Variants in TLCD3B observed in about 807,000 individuals in gnomAD.
The protein encoded by TLCD3B is TLC domain containing 3B.
In TLCD3B, 9 loss-of-function variants were observed where a neutral mutation model predicts 23.0. The observed-to-expected ratio is 0.39, with a 90% confidence interval of 0.24 to 0.68. The LOEUF is 0.68. TLCD3B is among the 30% of genes least tolerant of loss of function. The pLI, the probability that TLCD3B is intolerant of heterozygous loss-of-function variation, is 0.44. For synonymous variants in TLCD3B, 161 were observed against 161.0 expected (o/e 1.00, Z 0.00); for missense variants, 307 against 371.8 (o/e 0.83, Z 1.43).
In TLCD3B at chr16:30,024,832, G is replaced by A. The variant is rs553038695; in HGVS notation, c.*351C>T. Reference sequence around the variant, plus strand: ...GAGCCCTGGGGGATGGCAGCATAGGGGCTGGGATGGCCTTGGCAGAGGCGT... The same window carrying A: ...GAGCCCTGGGGGATGGCAGCATAGGAGCTGGGATGGCCTTGGCAGAGGCGT... On this transcript the variant is annotated 3_prime_UTR_variant, in exon 5 of 5. Transcript: ENST00000380495. 248 of 254,310 alleles carry A rather than the reference G, an allele frequency of 9.8e-4. 1 individual carries two copies. The highest frequency in any genetic ancestry group is 1.2e-3 in the Non-Finnish European group (163 of 135,536). 15.8% of individuals were successfully genotyped at this position (254,310 alleles called of 1,614,324 possible). A position where few individuals can be genotyped will look rare whatever the true frequency, so the allele number is the denominator to read the frequency against.
rs535719961 is a variant in TLCD3B, at chr16:30,025,833, G to A, written c.445-12C>T. ...CCCTGTCGCCACACCTGGGCACAGA[G>A]GCAGGAAGGTGAGGAGCTGGGGCTC... On this transcript the variant is annotated splice_polypyrimidine_tract_variant and intron_variant, in intron 3 of 4. Transcript: ENST00000380495. This position sits in a 1 kb window ranked among gnomAD's most constrained non-coding sequence, Gnocchi z 4.1. 7.1e-5 allele frequency: 114 copies of A among 1,610,052 alleles called. No homozygotes were observed. In the Middle Eastern group the frequency reaches 9.9e-4, roughly 14 times the overall value.
At chr16:30,043,947 G>A (rs556450445) in intron 2 of TLCD3B, among the ~76,000 whole-genome samples, 2 of 151,344 alleles carry the variant, frequency 1.3e-5, no homozygotes, top group East Asian at 1.9e-4. Flanking sequence ...CTCCTGCCTC[G>A]GCCTCACAAA....
intron 2 of TLCD3B, among the ~76,000 whole-genome samples, chr16:30,042,213 T>C (rs563772978): frequency 1.2e-4 from 19 of 152,050 alleles, no homozygotes; most frequent in African/African-American, 4.6e-4. Context: ...GAGCCGCCTT[T>C]ATTTATTTAT....
At chr16:30,043,740 G>C (rs1415177762) in intron 2 of TLCD3B, among the ~76,000 whole-genome samples, 1 of 151,234 alleles carries the variant, frequency 6.6e-6, no homozygotes, top group Admixed American at 6.6e-5. Context: ...CTGGAATGCA[G>C]TGGTGCCATC....
intron 2 of TLCD3B, among the ~76,000 whole-genome samples, chr16:30,042,100 T>C (rs2071587268): frequency 6.6e-6 from 1 of 152,204 alleles, no homozygotes; most frequent in African/African-American, 2.4e-5. Context: ...TTTATGTCTA[T>C]TTACATATAT....
At position 30,052,606 on chromosome 16, in the gene TLCD3B, T is replaced by C. The variant is rs557901883; in HGVS notation, c.-294+168A>G. 1.1e-4 allele frequency among the ~76,000 whole-genome samples: 17 copies of C among 151,172 alleles called. 1 individual carries two copies. The South Asian group carries it at 3.6e-3, about 32-fold the overall frequency. On this transcript the variant is annotated intron_variant, in intron 1 of 6. Transcript: ENST00000561666. Reference sequence around the variant, plus strand: ...CAGCTACTCGGGAGGCTGAGGCAGGTGAATCACTTGAACACGGGAGGCGGA... The same window carrying C: ...CAGCTACTCGGGAGGCTGAGGCAGGCGAATCACTTGAACACGGGAGGCGGA...
At chr16:30,044,807 G>A (rs192423766) in intron 2 of TLCD3B, among the ~76,000 whole-genome samples, 3 of 152,258 alleles carry the variant, frequency 2.0e-5, no homozygotes, top group Non-Finnish European at 2.9e-5. Flanking sequence ...CAGGCCGGGC[G>A]CAGTGGCTCA....
chr16:30,050,603 A>G (rs575906759), intron 1 of TLCD3B, among the ~76,000 whole-genome samples: 3 of 152,300 alleles, frequency 2.0e-5, no homozygotes, highest in African/African-American at 7.2e-5. Context: ...CTTCTTTAGG[A>G]TCAATAATGG....
In TLCD3B at chr16:30,025,935, A is replaced by C. The variant is rs886416669; in HGVS notation, c.445-114T>G. ...TGGGAGATGCTTGACTCTGAACATC[A>C]GAACACCTGGGTGCAGGGCTGGGTG... On this transcript the variant is annotated intron_variant, in intron 3 of 4. Transcript: ENST00000380495. This position sits in a 1 kb window ranked among gnomAD's most constrained non-coding sequence, Gnocchi z 4.1. 1.3e-4 allele frequency: 106 copies of C among 798,632 alleles called. No individual in the cohort carries two copies. Among genetic ancestry groups the C allele is most frequent in the Non-Finnish European group, 1.9e-4 (93 of 483,756 alleles). 49.5% of individuals were successfully genotyped at this position (798,632 alleles called of 1,614,324 possible). A position where few individuals can be genotyped will look rare whatever the true frequency, so the allele number is the denominator to read the frequency against.
chr16:30,044,160 C>T (rs1181424235), intron 2 of TLCD3B, among the ~76,000 whole-genome samples: 4 of 150,696 alleles, frequency 2.7e-5, no homozygotes, highest in Admixed American at 1.3e-4. Flanking sequence ...TCACACTTGG[C>T]TAATTTTTGT....
upstream of TLCD3B, chr16:30,033,276 A>G (rs892200592): frequency 1.3e-5 from 2 of 152,174 alleles, no homozygotes; most frequent in African/African-American, 2.4e-5. Flanking sequence ...CCAAAAAACC[A>G]TAGTTGCATA....
At chr16:30,027,614 C>T (rs1382872497) in intron 2 of TLCD3B, 18 of 455,898 alleles carry the variant, frequency 3.9e-5, no homozygotes, top group South Asian at 2.2e-4. Flanking sequence ...GACAGCCAAG[C>T]GTTAAGGGGA....
intron 2 of TLCD3B, among the ~76,000 whole-genome samples, chr16:30,042,758 T>C (rs1000401387): frequency 1.3e-5 from 2 of 152,110 alleles, no homozygotes; most frequent in African/African-American, 4.8e-5. Context: ...TGGGTGTTTT[T>C]TGTTGTTGTT....
At chr16:30,036,935 A>G (rs995655746) in intron 3 of TLCD3B, among the ~76,000 whole-genome samples, 2 of 151,510 alleles carry the variant, frequency 1.3e-5, no homozygotes, top group African/African-American at 4.9e-5. Flanking sequence ...AAATACAAAA[A>G]TTAGCCAGGC....
chr16:30,025,665 A>AGG lies in TLCD3B; in HGVS notation c.540+59_540+60dup. The AGG allele has an allele frequency of 1.3e-6, 2 of 1,562,802 alleles. No individual in the cohort carries two copies. Among genetic ancestry groups the AGG allele is most frequent in the Non-Finnish European group, 1.8e-6 (2 of 1,133,926 alleles). On this transcript the variant is annotated intron_variant, in intron 4 of 4. Transcript: ENST00000380495. This position sits in a 1 kb window ranked among gnomAD's most constrained non-coding sequence, Gnocchi z 4.1. The stretch of plus-strand genomic sequence containing the variant: ...CTAGAGCCCTTGGCAGCAACCTTGA[A>AGG]GGTCCCTCCCCTTCCTGTGACCTCC...
chr16:30,038,595 C>A (rs1025707947), intron 3 of TLCD3B, among the ~76,000 whole-genome samples: 4 of 152,022 alleles, frequency 2.6e-5, no homozygotes, highest in Non-Finnish European at 5.9e-5. Context: ...ACTAAAAATA[C>A]AAAAATTAGC....
intron 1 of TLCD3B, chr16:30,030,159 G>T: frequency 1.4e-6 from 2 of 1,476,770 alleles, no homozygotes; most frequent in Non-Finnish European, 9.2e-7. Context: ...GTGGGAGGGT[G>T]TACGGGGAAG....
rs745560306 is a variant in TLCD3B, at chr16:30,025,703, T to C, written c.540+23A>G. The stretch of plus-strand genomic sequence containing the variant: ...TCCTGTGACCTCCCCATTGGGCTCC[T>C]GCACCCTCCCATGCTCACTCACCTG... On this transcript the variant is annotated intron_variant, in intron 4 of 4. Transcript: ENST00000380495. The surrounding 1 kb of genome is among the most constrained non-coding windows in gnomAD (Gnocchi z 4.1). The C allele has an allele frequency of 2.5e-5, 40 of 1,612,416 alleles. No homozygotes were observed. Among genetic ancestry groups the C allele is most frequent in the Non-Finnish European group, 3.4e-5 (40 of 1,178,636 alleles).
In TLCD3B at chr16:30,025,614, G is replaced by T; in HGVS notation, c.540+112C>A. 6.9e-7 allele frequency: 1 copy of T among 1,455,606 alleles called. No individual in the cohort carries two copies. Among genetic ancestry groups the T allele is most frequent in the Non-Finnish European group, 9.6e-7 (1 of 1,038,856 alleles). 90.2% of individuals were successfully genotyped at this position (1,455,606 alleles called of 1,614,324 possible). A position where few individuals can be genotyped will look rare whatever the true frequency, so the allele number is the denominator to read the frequency against. ...CAAGCACCAGGTGCTCAAAATGCAC[G>T]GGGTGAGGGGGGGATGACGAAGGGG... On this transcript the variant is annotated intron_variant, in intron 4 of 4. Coordinates refer to ENST00000380495, the MANE Select transcript of TLCD3B (RefSeq NM_031478.6). The surrounding 1 kb of genome is among the most constrained non-coding windows in gnomAD (Gnocchi z 4.1).
Sources: gnomAD v4.1 joint callset for allele counts (sites outside exome capture counted in the v4.1 genomes callset) on GRCh38, gnomAD v4.1.1 for gene constraint, Gnocchi (gnomAD v3.1) non-coding constraint, MANE v1.5 for transcripts, NCBI Gene and HGNC (gene_info 2026-07-23, HGNC 2026-07-21) for gene names.